The following ELOVL7 variants were observed in gnomAD, a reference collection of about 807,000 sequenced individuals.
ELOVL7 encodes the protein ELOVL fatty acid elongase 7.
In ELOVL7, 27 loss-of-function variants were observed where a neutral mutation model predicts 35.7. The ratio of observed to expected loss-of-function variants is 0.76; its 90% CI spans 0.56 to 1.04. The LOEUF (loss-of-function observed/expected upper bound fraction) is 1.04, where lower values mean the gene tolerates loss of function less well. ELOVL7 is among the 50% of genes least tolerant of loss of function. The pLI, the probability that ELOVL7 is intolerant of heterozygous loss-of-function variation, is 0.00. For synonymous variants in ELOVL7, 113 were observed against 114.6 expected (o/e 0.99, Z 0.09); for missense variants, 327 against 340.8 (o/e 0.96, Z 0.32).
intron 1 of ELOVL7, among the ~76,000 whole-genome samples, chr5:60,824,716 G>A (rs140842859): frequency 2.6e-5 from 4 of 152,248 alleles, no homozygotes; most frequent in South Asian, 2.1e-4. Flanking sequence ...TGTCTTATCC[G>A]GATTGCTGCA....
At position 60,757,638 on chromosome 5, in the gene ELOVL7, C is replaced by T. The variant is rs1412353280; in HGVS notation, c.507G>A (p.Leu169=). ...TATTTAGAAGGGCATGGAATGTTCC[C>T]AAACCACCTGGAAAATAAAATTATT... ...WFGVKFAAGG[L]GTFHALLNTA... is the part of the protein sequence containing the mutation. The change falls in exon 8 of 9, where the codon TTG becomes TTA. Residue 169 remains leucine (L), a synonymous_variant. Coordinates refer to ENST00000508821, the MANE Select transcript of ELOVL7 (RefSeq NM_024930.3). 1 of 1,548,388 alleles carries T rather than the reference C, an allele frequency of 6.5e-7. No homozygotes were observed. Among genetic ancestry groups the T allele is most frequent in the Non-Finnish European group, 8.8e-7 (1 of 1,138,962 alleles).
intron 1 of ELOVL7, among the ~76,000 whole-genome samples, chr5:60,824,100 G>A (rs1203538200): frequency 1.3e-5 from 2 of 152,092 alleles, no homozygotes; most frequent in Admixed American, 6.6e-5. Flanking sequence ...CACTACCTGG[G>A]TATCCGTGCA....
intron 2 of ELOVL7, among the ~76,000 whole-genome samples, chr5:60,792,845 A>G (rs759688601): frequency 6.6e-6 from 1 of 152,206 alleles, no homozygotes; most frequent in Non-Finnish European, 1.5e-5. Context: ...AGGCTCTTGT[A>G]TGAATGAAGC....
At chr5:60,807,204 G>C (rs1229778381) in intron 1 of ELOVL7, among the ~76,000 whole-genome samples, 1 of 151,840 alleles carries the variant, frequency 6.6e-6, no homozygotes, top group Non-Finnish European at 1.5e-5. Flanking sequence ...CAACAGGATT[G>C]ATTCTGATTA....
intron 3 of ELOVL7, among the ~76,000 whole-genome samples, chr5:60,779,527 G>T (rs1307880282): frequency 6.6e-6 from 1 of 152,300 alleles, no homozygotes; most frequent in East Asian, 1.9e-4. Flanking sequence ...CATGGCCCAA[G>T]CTGCACCTTG....
Position 60,838,950 on chromosome 5 carries a change from G to A in ELOVL7, c.-86+5210C>T, listed in dbSNP as rs146484490. Among the ~76,000 whole-genome samples the A allele has an allele frequency of 6.7e-3, 1,023 of 151,598 alleles. 11 individuals carry two copies. Among genetic ancestry groups the A allele is most frequent in the African/African-American group, 0.023 (949 of 41,254 alleles). ...AGGCTGGAGAATCACTTGAACCCAG[G>A]AGGCAGAGGTTGCAGTGAGCAGAGA... On this transcript the variant is annotated intron_variant, in intron 1 of 8. Coordinates refer to ENST00000508821, the MANE Select transcript of ELOVL7 (RefSeq NM_024930.3).
Position 60,789,738 on chromosome 5 carries a change from A to C in ELOVL7, c.-34-2307T>G, listed in dbSNP as rs1743811914. ...TCTACTAATGGAGAGCTGGTTAATAAGTGATAACAGATTTAACACCATGAA... is the reference window on the plus strand; with the variant it reads ...TCTACTAATGGAGAGCTGGTTAATACGTGATAACAGATTTAACACCATGAA... On this transcript the variant is annotated intron_variant, in intron 2 of 8. Transcript: ENST00000508821. 1.3e-5 allele frequency among the ~76,000 whole-genome samples: 2 copies of C among 152,230 alleles called. 1 individual carries two copies. The highest frequency in any genetic ancestry group is 1.3e-4 in the Admixed American group (2 of 15,284).
intron 1 of ELOVL7, among the ~76,000 whole-genome samples, chr5:60,808,763 A>G (rs544772827): frequency 6.6e-6 from 1 of 152,360 alleles, no homozygotes; most frequent in Non-Finnish European, 1.5e-5. Context: ...ACAGTGGTAT[A>G]TCCATTCAAT....
At chr5:60,810,495 T>C (rs1402321588) in intron 1 of ELOVL7, among the ~76,000 whole-genome samples, 2 of 152,252 alleles carry the variant, frequency 1.3e-5, no homozygotes, top group African/African-American at 4.8e-5. Flanking sequence ...TCAAAACTGA[T>C]GATAGATTTG....
Position 60,822,849 on chromosome 5 carries a change from G to T in ELOVL7, c.-86+21311C>A, listed in dbSNP as rs543407781. Among the ~76,000 whole-genome samples the T allele has an allele frequency of 2.8e-4, 43 of 152,298 alleles. 1 individual carries two copies. In the South Asian group the frequency reaches 5.4e-3, roughly 19 times the overall value. On this transcript the variant is annotated intron_variant, in intron 1 of 8. Transcript: ENST00000508821. ...AGTGGGAAAAATTCTGAAGAGGGAG[G>T]CAGGGATGAATAGGGTCAAATGCAT...
At chr5:60,822,628 G>C (rs1308634106) in intron 1 of ELOVL7, among the ~76,000 whole-genome samples, 6 of 152,280 alleles carry the variant, frequency 3.9e-5, no homozygotes, top group Non-Finnish European at 8.8e-5. Context: ...TACAGCTTTT[G>C]GAACTTCACA....
chr5:60,805,736 T>G (rs1205087497), intron 1 of ELOVL7, among the ~76,000 whole-genome samples: 5 of 152,180 alleles, frequency 3.3e-5, no homozygotes, highest in Non-Finnish European at 7.3e-5. Flanking sequence ...CAGGGCTAGG[T>G]GTGCCACTAA....
At chr5:60,816,212 T>C (rs1301576558) in intron 1 of ELOVL7, among the ~76,000 whole-genome samples, 1 of 152,094 alleles carries the variant, frequency 6.6e-6, no homozygotes, top group Non-Finnish European at 1.5e-5. Context: ...AATCCCCATC[T>C]CTACTAAAAG....
chr5:60,834,720 TAC>T (rs1273437756), intron 1 of ELOVL7, among the ~76,000 whole-genome samples: 1 of 152,188 alleles, frequency 6.6e-6, no homozygotes, highest in Non-Finnish European at 1.5e-5. Context: ...GACTACTTAC[TAC>T]ACTATAGCGT....
chr5:60,806,501 C>A (rs1744933069), intron 1 of ELOVL7, among the ~76,000 whole-genome samples: 1 of 151,540 alleles, frequency 6.6e-6, no homozygotes. Flanking sequence ...GTTTAGGAAT[C>A]AGGAAGAGCA....
chr5:60,755,571 C>T (rs1026743020), intron 8 of ELOVL7, among the ~76,000 whole-genome samples: 19 of 152,042 alleles, frequency 1.2e-4, no homozygotes, highest in African/African-American at 3.4e-4. Context: ...GCAGGAGAAT[C>T]GCTTGAACCT....
intron 8 of ELOVL7, among the ~76,000 whole-genome samples, chr5:60,755,976 T>C (rs1198944610): frequency 6.6e-6 from 1 of 152,218 alleles, no homozygotes; most frequent in Non-Finnish European, 1.5e-5. Context: ...TTTATCCTTG[T>C]CATCATCAAC....
intron 2 of ELOVL7, among the ~76,000 whole-genome samples, chr5:60,798,488 A>T (rs1744398987): frequency 6.6e-6 from 1 of 152,200 alleles, no homozygotes; most frequent in South Asian, 2.1e-4. Flanking sequence ...TAGAGATTAA[A>T]GTGGACTAAA....
intron 7 of ELOVL7, 23 bp from the exon 8 acceptor site, chr5:60,757,668 C>T (rs1367849232): frequency 6.5e-7 from 1 of 1,532,130 alleles, no homozygotes; most frequent in East Asian, 2.3e-5. Flanking sequence ...ATTATTGTAA[C>T]ATGGGGCCAT....
Sources: gnomAD v4.1 joint callset for allele counts (sites outside exome capture counted in the v4.1 genomes callset) on GRCh38, gnomAD v4.1.1 for gene constraint, MANE v1.5 for transcripts, NCBI Gene and HGNC (gene_info 2026-07-23, HGNC 2026-07-21) for gene names.